Variants in KIF21A observed in about 807,000 individuals in gnomAD.
KIF21A encodes kinesin-like protein KIF21A.
A neutral mutation model predicts 202.9 loss-of-function variants in KIF21A; 114 were observed. The ratio of observed to expected loss-of-function variants is 0.56; its 90% CI spans 0.48 to 0.66. KIF21A has a LOEUF of 0.66. Ranked by LOEUF, KIF21A falls within the 30% of genes least tolerant of loss-of-function variation. KIF21A has a pLI of 0.00. For synonymous variants in KIF21A, 667 were observed against 670.8 expected (o/e 0.99, Z 0.09); for missense variants, 1,677 against 1,994.9 (o/e 0.84, Z 3.04).
intron 1 of KIF21A, among the ~76,000 whole-genome samples, chr12:39,433,921 G>A (rs1311869218): frequency 6.6e-6 from 1 of 152,120 alleles, no homozygotes; most frequent in Non-Finnish European, 1.5e-5. Flanking sequence ...CAAAAGAACA[G>A]ATACCAGATA....
intron 1 of KIF21A, among the ~76,000 whole-genome samples, chr12:39,392,562 G>A (rs542088064): frequency 2.6e-5 from 4 of 152,048 alleles, no homozygotes; most frequent in South Asian, 2.1e-4. Context: ...CACACCCTTT[G>A]TCAACCACTT....
chr12:39,303,053 G>A lies in KIF21A; in HGVS notation c.4643C>T (p.Ala1548Val), dbSNP rs1346548419. ...FEPPHYDGIE[A>V]LTIQGDNLFS... Reference sequence around the variant, plus strand: ...TAGGTTATCCCCTTGAATGGTTAGTGCTTCTATGCCATCATAATGAGGGGG... The same window carrying A: ...TAGGTTATCCCCTTGAATGGTTAGTACTTCTATGCCATCATAATGAGGGGG... The change falls in exon 36 of 38, where the codon GCA (alanine) becomes GTA (valine). Residue 1548 changes from alanine (A) to valine (V), a missense_variant. Ala to Val is a moderately conservative substitution (Grantham distance 64, BLOSUM62 0). Coordinates refer to ENST00000361418, the MANE Select transcript of KIF21A (RefSeq NM_001173464.2). The A allele has an allele frequency of 4.3e-6, 7 of 1,613,682 alleles. No homozygotes were observed. The highest frequency in any genetic ancestry group is 5.9e-6 in the Non-Finnish European group (7 of 1,179,726).
chr12:39,417,796 T>G (rs1004695418), intron 1 of KIF21A, among the ~76,000 whole-genome samples: 1 of 152,026 alleles, frequency 6.6e-6, no homozygotes. Flanking sequence ...ATATTATTAA[T>G]ATAAAATACA....
chr12:39,301,123 A>G (rs1310879736), intron 37 of KIF21A, among the ~76,000 whole-genome samples: 2 of 152,212 alleles, frequency 1.3e-5, no homozygotes, highest in East Asian at 3.9e-4. Flanking sequence ...GAGAGTTTTT[A>G]AATAATTTGT....
At chr12:39,400,466 G>T (rs562681605) in intron 1 of KIF21A, among the ~76,000 whole-genome samples, 3 of 151,986 alleles carry the variant, frequency 2.0e-5, no homozygotes, top group Non-Finnish European at 4.4e-5. Context: ...AGGCCCCAGT[G>T]TGTGTTGTTC....
In KIF21A at chr12:39,363,652, A is replaced by T. The variant is rs1192349913; in HGVS notation, c.904-439T>A. Reference sequence around the variant, plus strand: ...CCACGGGAAAAGAAAACCTTCTTTAATCACAACAAAAAAAATCAGTATTAT... The same window carrying T: ...CCACGGGAAAAGAAAACCTTCTTTATTCACAACAAAAAAAATCAGTATTAT... On this transcript the variant is annotated intron_variant, in intron 6 of 37. Transcript: ENST00000361418. 2.0e-5 allele frequency among the ~76,000 whole-genome samples: 3 copies of T among 152,246 alleles called. No homozygotes were observed. The East Asian group carries it at 5.8e-4, about 29-fold the overall frequency.
At chr12:39,416,685 GTGTA>G (rs1226665440) in intron 1 of KIF21A, among the ~76,000 whole-genome samples, 96 of 120,688 alleles carry the variant, frequency 8.0e-4, no homozygotes, top group African/African-American at 2.8e-3. Context: ...ATATATATGT[GTGTA>G]TATATATATG....
chr12:39,398,500 G>C (rs1191087536), intron 1 of KIF21A, among the ~76,000 whole-genome samples: 1 of 151,938 alleles, frequency 6.6e-6, no homozygotes, highest in Non-Finnish European at 1.5e-5. Flanking sequence ...ACTCAGGAGG[G>C]TGAGGCAGGA....
In KIF21A at chr12:39,330,913, T is replaced by C; in HGVS notation, c.3154-2A>G. On this transcript the variant is annotated splice_acceptor_variant, in intron 22 of 37. Coordinates refer to ENST00000361418, the MANE Select transcript of KIF21A (RefSeq NM_001173464.2). LOFTEE classifies it high-confidence loss of function. ...CTCTTTCTGGGCAGCCTGAAGACCC[T>C]GAAACACAACAAAAAATTATCTTAG... 6.2e-7 allele frequency: 1 copy of C among 1,613,820 alleles called. No individual in the cohort carries two copies.
intron 6 of KIF21A, among the ~76,000 whole-genome samples, chr12:39,365,598 T>C (rs142333913): frequency 5.3e-4 from 80 of 152,050 alleles, no homozygotes; most frequent in African/African-American, 1.9e-3. Flanking sequence ...CTAGAAAAAT[T>C]ATCATTTTGA....
At chr12:39,414,105 C>T (rs972596712) in intron 1 of KIF21A, among the ~76,000 whole-genome samples, 8 of 152,156 alleles carry the variant, frequency 5.3e-5, no homozygotes, top group Non-Finnish European at 1.2e-4. Context: ...TCACTTGATT[C>T]TTTCTTTTCC....
chr12:39,340,313 T>C lies in KIF21A; in HGVS notation c.2162A>G (p.Tyr721Cys), dbSNP rs1029964383. 8.1e-6 allele frequency: 13 copies of C among 1,612,210 alleles called. No individual in the cohort carries two copies. The highest frequency in any genetic ancestry group is 8.5e-6 in the Non-Finnish European group (10 of 1,179,242). ...EEKAKKVRSE[Y>C]EKKLQAMNKE... is the part of the protein sequence containing the mutation. ...GTTCATGGCTTGGAGTTTCTTTTCA[T>C]ATTCAGACCTAACTTTTTTTGCTTT... The change falls in exon 16 of 38, where the codon TAT becomes TGT. Residue 721 changes from tyrosine to cysteine, a missense_variant. By Grantham distance (194) the Tyr-to-Cys change is radical. This residue lies in a region of KIF21A where 966 missense variants were observed against 1,180.9 expected (regional missense o/e 0.82). Coordinates refer to ENST00000361418, the MANE Select transcript of KIF21A (RefSeq NM_001173464.2).
rs17127059 is a variant in KIF21A at position 39,358,407 on chromosome 12, T to C, written c.1020-34A>G. The C allele has an allele frequency of 3.4e-3, 5,238 of 1,542,598 alleles. 103 individuals carry two copies. In the African/African-American group the frequency reaches 0.049, roughly 15 times the overall value. ...TACAAATAATAGTTAGGCTTACACA[T>C]AAAAGCACCTAAAATGCTAAAATAA... On this transcript the variant is annotated intron_variant, in intron 7 of 37. Transcript: ENST00000361418.
At chr12:39,363,506 G>A (rs1352287470) in intron 6 of KIF21A, among the ~76,000 whole-genome samples, 1 of 152,036 alleles carries the variant, frequency 6.6e-6, no homozygotes, top group African/African-American at 2.4e-5. Context: ...CAGAGCATCA[G>A]GTTATGTCCC....
intron 12 of KIF21A, among the ~76,000 whole-genome samples, chr12:39,342,330 G>A (rs1347180081): frequency 6.6e-6 from 1 of 152,114 alleles, no homozygotes; most frequent in African/African-American, 2.4e-5. Flanking sequence ...TTATATCACT[G>A]GAGAAAAGCT....
Position 39,363,192 on chromosome 12 carries a change from T to G in KIF21A, c.925A>C (p.Ser309Arg), listed in dbSNP as rs972411719. 1 of 1,611,398 alleles carries G rather than the reference T, an allele frequency of 6.2e-7. No individual in the cohort carries two copies. Among genetic ancestry groups the G allele is most frequent in the African/African-American group, 1.3e-5 (1 of 74,820 alleles). The change falls in exon 7 of 38, where the codon AGT becomes CGT. Residue 309 changes from serine (S) to arginine (R), a missense_variant. By Grantham distance (110) the Ser-to-Arg change is moderately radical. Coordinates refer to ENST00000361418, the MANE Select transcript of KIF21A (RefSeq NM_001173464.2). ...CGLLALGNVI[S>R]ALGDKSKRAT... ...CTCTTGCTCTTGTCTCCCAAGGCACTTATTACATTGCCAAGTGCCAACTAA... is the reference window on the plus strand; with the variant it reads ...CTCTTGCTCTTGTCTCCCAAGGCACGTATTACATTGCCAAGTGCCAACTAA...
chr12:39,357,201 T>A (rs769871962), intron 9 of KIF21A, 47 bp downstream of exon 9: 1 of 1,505,818 alleles, frequency 6.6e-7, no homozygotes, highest in Non-Finnish European at 9.2e-7. Flanking sequence ...GAATGTTCCC[T>A]GCCCTCCAGA....
intron 1 of KIF21A, among the ~76,000 whole-genome samples, chr12:39,388,676 TAACTTACACATGCTTATAA>T (rs1951125653): frequency 6.6e-6 from 1 of 152,200 alleles, no homozygotes; most frequent in Non-Finnish European, 1.5e-5. Flanking sequence ...GTCTATAATC[TAACTTACACATGCTTATAA>T]AACTATGACA....
At chr12:39,327,604 C>T (rs557406685) in intron 24 of KIF21A, among the ~76,000 whole-genome samples, 5 of 152,174 alleles carry the variant, frequency 3.3e-5, no homozygotes, top group Non-Finnish European at 5.9e-5. Context: ...GCAAGTGCTT[C>T]GTAAAAAGCT....
Sources: gnomAD v4.1 joint callset for allele counts (sites outside exome capture counted in the v4.1 genomes callset) on GRCh38, gnomAD v4.1.1 for gene constraint, gnomAD v4.1.1 regional missense constraint, MANE v1.5 for transcripts, NCBI Gene and HGNC (gene_info 2026-07-23, HGNC 2026-07-21) for gene names.